The following PDE1A variants were observed in gnomAD, a reference collection of about 807,000 sequenced individuals.
PDE1A encodes the protein dual specificity calcium/calmodulin-dependent 3',5'-cyclic nucleotide phosphodiesterase 1A.
In PDE1A, 35 loss-of-function variants were observed where a neutral mutation model predicts 61.7. That is an observed-to-expected ratio of 0.57 (90% CI 0.43 to 0.75). PDE1A has a LOEUF of 0.75. Among genes scored for constraint, PDE1A ranks in the 30% least tolerant of loss-of-function variants. The pLI, the probability that PDE1A is intolerant of heterozygous loss-of-function variation, is 0.00. For missense variants in PDE1A, 597 were observed against 630.6 expected (o/e 0.95, Z 0.57); for synonymous variants, 232 against 213.2 (o/e 1.09, Z -0.77).
intron 2 of PDE1A, among the ~76,000 whole-genome samples, chr2:182,444,503 T>A (rs1685005796): frequency 1.3e-5 from 2 of 152,168 alleles, no homozygotes; most frequent in South Asian, 4.1e-4. Flanking sequence ...TCTTTAATAC[T>A]GTCTTGTATA....
chr2:182,203,323 A>AC (rs200051900), intron 8 of PDE1A, among the ~76,000 whole-genome samples: 3,641 of 147,030 alleles, frequency 0.025, 39 homozygotes, highest in African/African-American at 0.031. Flanking sequence ...CCGTCTGAAA[A>AC]AAAAACAAAA....
intron 1 of PDE1A, among the ~76,000 whole-genome samples, chr2:182,311,104 G>C (rs949353075): frequency 2.6e-5 from 4 of 152,292 alleles, no homozygotes; most frequent in African/African-American, 7.2e-5. Context: ...TGCCATGTGG[G>C]CAAGAAATAT....
chr2:182,535,306 A>G, the PDE1A span, among the ~76,000 whole-genome samples: 1 of 150,962 alleles, frequency 6.6e-6, no homozygotes, highest in South Asian at 2.1e-4. Flanking sequence ...ACTCAAGGAG[A>G]TTAACCTCCT....
Position 182,171,315 on chromosome 2 carries a change from G to C in PDE1A, c.1517-3025C>G, listed in dbSNP as rs141244934. Among the ~76,000 whole-genome samples the C allele has an allele frequency of 2.8e-3, 419 of 152,036 alleles. 5 individuals carry two copies. Among genetic ancestry groups the C allele is most frequent in the African/African-American group, 9.3e-3 (388 of 41,546 alleles). ...AAATTGAAAATAACAGACAAACCAT[G>C]ATCAACCCAGACAATATGCAGTATT... is the stretch of plus-strand genomic sequence containing the variant. On this transcript the variant is annotated intron_variant, in intron 13 of 13. Transcript: ENST00000351439.
intron 7 of PDE1A, among the ~76,000 whole-genome samples, chr2:182,211,115 C>T (rs1426058601): frequency 6.6e-6 from 1 of 152,168 alleles, no homozygotes; most frequent in Non-Finnish European, 1.5e-5. Flanking sequence ...CTCCTGACCT[C>T]AATACCTTCC....
intron 13 of PDE1A, among the ~76,000 whole-genome samples, chr2:182,175,557 T>A (rs1427606966): frequency 7.9e-6 from 1 of 127,072 alleles, no homozygotes; most frequent in African/African-American, 3.0e-5. Context: ...TAAATTTGTT[T>A]GAGTTCATTG....
intron 13 of PDE1A, among the ~76,000 whole-genome samples, chr2:182,154,249 A>G (rs1328440734): frequency 6.6e-6 from 1 of 152,212 alleles, no homozygotes; most frequent in Non-Finnish European, 1.5e-5. Flanking sequence ...TGAATGGAGA[A>G]TGTTGAATAT....
chr2:182,431,033 C>T (rs533357212), upstream of PDE1A, among the ~76,000 whole-genome samples: 1 of 135,732 alleles, frequency 7.4e-6, no homozygotes, highest in Admixed American at 7.6e-5. Flanking sequence ...GTGCAGCGCA[C>T]CAGCATGGCA....
chr2:182,623,487 A>C, the PDE1A span, among the ~76,000 whole-genome samples: 93,846 of 152,028 alleles, frequency 0.62, 29,293 homozygotes, highest in Admixed American at 0.72. Flanking sequence ...TTACCAGCAA[A>C]CTGACTTCTA....
Position 182,464,589 on chromosome 2 carries a change from T to C in PDE1A, c.101+57687A>G, listed in dbSNP as rs376497138. ...AACCAGAGCTGGATAGTAGTTAACA[T>C]GGTAAAAAAAATAATAATAATAACA... On this transcript the variant is annotated intron_variant, in intron 2 of 14. Transcript: ENST00000410103. Among the ~76,000 whole-genome samples, 11 of 152,046 alleles carry C rather than the reference T, an allele frequency of 7.2e-5. No homozygotes were observed. In the East Asian group the frequency reaches 1.5e-3, roughly 21 times the overall value.
chr2:182,303,323 G>C (rs965791859), intron 1 of PDE1A, among the ~76,000 whole-genome samples: 8 of 152,138 alleles, frequency 5.3e-5, no homozygotes, highest in African/African-American at 1.9e-4. Flanking sequence ...CGTTTTGTTA[G>C]CAGGCATGAA....
chr2:182,447,544 A>T (rs1357749807), intron 2 of PDE1A, among the ~76,000 whole-genome samples: 2 of 152,090 alleles, frequency 1.3e-5, no homozygotes, highest in Non-Finnish European at 2.9e-5. Flanking sequence ...CCCAGTAAGG[A>T]TGATGCTATT....
At chr2:182,150,353 T>G (rs1342425538) in intron 13 of PDE1A, among the ~76,000 whole-genome samples, 1 of 152,092 alleles carries the variant, frequency 6.6e-6, no homozygotes, top group African/African-American at 2.4e-5. Flanking sequence ...ACAATGCAGA[T>G]CATAAATAGA....
At chr2:182,257,598 C>G (rs991416006) in intron 2 of PDE1A, among the ~76,000 whole-genome samples, 4 of 152,166 alleles carry the variant, frequency 2.6e-5, no homozygotes, top group Non-Finnish European at 5.9e-5. Flanking sequence ...GGTTCTGTGT[C>G]CTTTAGAAAA....
At chr2:182,474,682 A>G (rs897296998) in intron 2 of PDE1A, among the ~76,000 whole-genome samples, 4 of 151,918 alleles carry the variant, frequency 2.6e-5, no homozygotes, top group African/African-American at 9.7e-5. Context: ...TTTCCTCAAT[A>G]ATACAGAAAA....
At chr2:182,687,183 T>C in the PDE1A span, among the ~76,000 whole-genome samples, 1 of 151,882 alleles carries the variant, frequency 6.6e-6, no homozygotes, top group Non-Finnish European at 1.5e-5. Flanking sequence ...TTGAAGAGAG[T>C]AGTGGTTCTC....
the PDE1A span, among the ~76,000 whole-genome samples, chr2:182,679,608 C>CT: frequency 6.6e-6 from 1 of 152,000 alleles, no homozygotes; most frequent in East Asian, 1.9e-4. Flanking sequence ...TAAGATAAAA[C>CT]TTTTTAAAAA....
chr2:182,589,202 A>G, the PDE1A span, among the ~76,000 whole-genome samples: 1 of 150,158 alleles, frequency 6.7e-6, no homozygotes, highest in African/African-American at 2.4e-5. Flanking sequence ...GAAGGAAAGG[A>G]AAGAGGGAAA....
At chr2:182,524,727 TGTTA>T (rs1482366830), upstream of PDE1A, among the ~76,000 whole-genome samples, 1 of 152,108 alleles carries the variant, frequency 6.6e-6, no homozygotes, top group Non-Finnish European at 1.5e-5. Context: ...CATTTTTCTT[TGTTA>T]GTTTACAAAA....
Sources: gnomAD v4.1 joint callset for allele counts (sites outside exome capture counted in the v4.1 genomes callset) on GRCh38, gnomAD v4.1.1 for gene constraint, MANE v1.5 for transcripts, NCBI Gene and HGNC (gene_info 2026-07-23, HGNC 2026-07-21) for gene names.